The following CUBN variants were observed in gnomAD, a reference collection of about 807,000 sequenced individuals.
CUBN encodes cubilin.
Under a neutral mutation model 405.3 loss-of-function variants are expected in CUBN, and 282 were observed. The ratio of observed to expected loss-of-function variants is 0.70; its 90% CI spans 0.63 to 0.77. CUBN has a LOEUF of 0.77. Among genes scored for constraint, CUBN ranks in the 30% least tolerant of loss-of-function variants. The probability of loss-of-function intolerance (pLI) is 0.00; values close to 1 mark genes in which losing one functional copy is unlikely to be tolerated. For missense variants in CUBN, 4,514 were observed against 4,475.2 expected, an observed-to-expected ratio of 1.01 and a Z score of -0.25; for synonymous variants, 1,684 against 1,617.0, an observed-to-expected ratio of 1.04 and a Z score of -0.99.
intron 17 of CUBN, among the ~76,000 whole-genome samples, chr10:17,075,724 T>C (rs554468986): frequency 2.6e-4 from 39 of 152,336 alleles, no homozygotes; most frequent in Non-Finnish European, 4.4e-4. Context: ...AGGCTCATAC[T>C]AGTTCCTTTC....
intron 33 of CUBN, among the ~76,000 whole-genome samples, chr10:16,951,278 G>A (rs1392301782): frequency 6.6e-6 from 1 of 152,236 alleles, no homozygotes. Context: ...TGACATCATC[G>A]GCTGCCACAT....
chr10:16,921,611 G>C (rs1842035310), intron 43 of CUBN, among the ~76,000 whole-genome samples: 1 of 152,082 alleles, frequency 6.6e-6, no homozygotes, highest in African/African-American at 2.4e-5. Flanking sequence ...TTTGTCCCTT[G>C]GCTTCTGACA....
At chr10:17,108,720 A>C (rs1836697195) in intron 10 of CUBN, among the ~76,000 whole-genome samples, 1 of 152,180 alleles carries the variant, frequency 6.6e-6, no homozygotes, top group East Asian at 1.9e-4. Context: ...AAATAGTAAG[A>C]GAAAAGATTT....
At chr10:17,129,521 C>A in intron 1 of CUBN, 123 bp downstream of exon 1, 1 of 1,270,816 alleles carries the variant, frequency 7.9e-7, no homozygotes, top group Non-Finnish European at 1.1e-6. Flanking sequence ...ATGTTTTTCC[C>A]TGTTTGCTTC....
chr10:16,868,935 T>C (rs1278388177), intron 59 of CUBN, among the ~76,000 whole-genome samples: 1 of 152,164 alleles, frequency 6.6e-6, no homozygotes, highest in African/African-American at 2.4e-5. Context: ...AAATTACCTA[T>C]AGAAAGTCAT....
At chr10:16,883,498 A>G (rs568766475) in intron 56 of CUBN, among the ~76,000 whole-genome samples, 1 of 152,386 alleles carries the variant, frequency 6.6e-6, no homozygotes, top group East Asian at 1.9e-4. Flanking sequence ...GAGAAGAAAC[A>G]GCAGTTGAGC....
intron 34 of CUBN, 62 bp downstream of exon 34, chr10:16,949,939 T>A: frequency 8.3e-7 from 1 of 1,211,392 alleles, no homozygotes; most frequent in Non-Finnish European, 1.2e-6. Context: ...CCTATAAATA[T>A]GCGGATCTAT....
chr10:16,938,950 T>C lies in CUBN; in HGVS notation c.5733+13A>G, dbSNP rs1375178582. On this transcript the variant is annotated intron_variant, in intron 38 of 66. Transcript: ENST00000377833. ...CCAATATTTATGAACATTGATTGCA[T>C]GTGGAAACTCACCCTTAATTTGTCA... 1.9e-6 allele frequency: 3 copies of C among 1,602,798 alleles called. No individual in the cohort carries two copies. Among genetic ancestry groups the C allele is most frequent in the Non-Finnish European group, 1.7e-6 (2 of 1,170,806 alleles).
intron 40 of CUBN, among the ~76,000 whole-genome samples, chr10:16,930,986 G>C (rs1467818482): frequency 6.6e-6 from 1 of 152,028 alleles, no homozygotes; most frequent in Non-Finnish European, 1.5e-5. Context: ...GCCAGGTGTG[G>C]TGGCTCACAC....
chr10:17,106,185 T>C (rs1836625750), intron 10 of CUBN, among the ~76,000 whole-genome samples: 1 of 151,132 alleles, frequency 6.6e-6, no homozygotes, highest in Non-Finnish European at 1.5e-5. Context: ...CTTGGGAGGG[T>C]GAGGCAGGAG....
intron 56 of CUBN, among the ~76,000 whole-genome samples, chr10:16,887,127 G>C (rs768303131): frequency 9.2e-5 from 14 of 152,138 alleles, no homozygotes; most frequent in Non-Finnish European, 1.5e-4. Flanking sequence ...TTCAATATTT[G>C]TCGAACACCT....
intron 31 of CUBN, among the ~76,000 whole-genome samples, chr10:16,964,241 T>C (rs971765831): frequency 2.0e-5 from 3 of 152,244 alleles, no homozygotes; most frequent in African/African-American, 7.2e-5. Context: ...AAGATTCACA[T>C]ATAAAGATAC....
intron 48 of CUBN, among the ~76,000 whole-genome samples, chr10:16,912,327 CT>C (rs1428092817): frequency 6.6e-6 from 1 of 152,324 alleles, no homozygotes; most frequent in African/African-American, 2.4e-5. Flanking sequence ...AGTACCTCTA[CT>C]ATCCATTCAT....
chr10:16,957,764 T>A (rs1355007768), intron 31 of CUBN, among the ~76,000 whole-genome samples: 1 of 152,152 alleles, frequency 6.6e-6, no homozygotes, highest in African/African-American at 2.4e-5. Context: ...GTATGTTGAA[T>A]ATATCTGCAT....
intron 27 of CUBN, among the ~76,000 whole-genome samples, chr10:17,038,453 AAAT>A (rs1834945420): frequency 6.6e-6 from 1 of 152,196 alleles, no homozygotes; most frequent in Non-Finnish European, 1.5e-5. Context: ...CCAGAGGGTG[AAAT>A]AATAAAGGAT....
chr10:17,111,988 TA>T (rs1468746239), intron 8 of CUBN, among the ~76,000 whole-genome samples: 1 of 152,164 alleles, frequency 6.6e-6, no homozygotes, highest in Non-Finnish European at 1.5e-5. Flanking sequence ...AAGAATTTTT[TA>T]AACTCTTGCA....
chr10:16,859,270 C>T (rs1839948124), intron 59 of CUBN, among the ~76,000 whole-genome samples: 1 of 151,844 alleles, frequency 6.6e-6, no homozygotes. Context: ...GCTCTCAAAA[C>T]CCAACAATAG....
In CUBN at chr10:16,856,074, C is replaced by T. The variant is rs555426876; in HGVS notation, c.9455-4631G>A. ...AATGGTGGGGGAATATAAACAAGGG[C>T]GACCTCTGTGACTATGCAATAGAGT... On this transcript the variant is annotated intron_variant, in intron 59 of 66. Transcript: ENST00000377833. 4.1e-4 allele frequency among the ~76,000 whole-genome samples: 62 copies of T among 152,224 alleles called. 1 individual carries two copies. Among genetic ancestry groups the T allele is most frequent in the Non-Finnish European group, 6.0e-4 (41 of 68,010 alleles).
Position 16,930,635 on chromosome 10 carries a change from A to G in CUBN, c.6125-2332T>C, listed in dbSNP as rs139638946. ...CTCTCAGTTTGGAGGGATCTTTGGT[A>G]TACAGAATGGGTAGATGCGTGGTCT... is the stretch of plus-strand genomic sequence containing the variant. On this transcript the variant is annotated intron_variant, in intron 40 of 66. Transcript: ENST00000377833. Among the ~76,000 whole-genome samples, 680 of 152,320 alleles carry G rather than the reference A, an allele frequency of 4.5e-3. 5 individuals carry two copies. The highest frequency in any genetic ancestry group is 0.014 in the African/African-American group (598 of 41,586).
Sources: gnomAD v4.1 joint callset for allele counts (sites outside exome capture counted in the v4.1 genomes callset) on GRCh38, gnomAD v4.1.1 for gene constraint, MANE v1.5 for transcripts, NCBI Gene and HGNC (gene_info 2026-07-23, HGNC 2026-07-21) for gene names.